CTIF: variants seen among roughly 807,000 people sequenced by gnomAD.
CTIF encodes the protein cap binding complex dependent translation initiation factor.
In CTIF, 21 loss-of-function variants were observed where a neutral mutation model predicts 66.0. The observed-to-expected ratio is 0.32, with a 90% CI of 0.23 to 0.46. The LOEUF is 0.46. Ranked by LOEUF, CTIF falls within the 20% of genes least tolerant of loss-of-function variation. The pLI, the probability that CTIF is intolerant of heterozygous loss-of-function variation, is 1.00. For synonymous variants in CTIF, 345 were observed against 326.4 expected (o/e 1.06, Z -0.62); for missense variants, 739 against 812.7 (o/e 0.91, Z 1.10).
chr18:48,572,418 A>G (rs1053618442), intron 1 of CTIF, among the ~76,000 whole-genome samples: 1 of 152,162 alleles, frequency 6.6e-6, no homozygotes, highest in Non-Finnish European at 1.5e-5. Context: ...TGCAGAGGAG[A>G]GGAGCCTGGG....
chr18:48,809,774 AT>A (rs1010592859), intron 9 of CTIF, among the ~76,000 whole-genome samples: 1 of 151,838 alleles, frequency 6.6e-6, no homozygotes, highest in African/African-American at 2.4e-5. Context: ...GCAAATGTTG[AT>A]TTTTTTAATG....
chr18:48,562,364 G>A (rs181453895), intron 1 of CTIF, among the ~76,000 whole-genome samples: 3 of 152,354 alleles, frequency 2.0e-5, no homozygotes, highest in African/African-American at 7.2e-5. Context: ...GGCAAAATTT[G>A]AATTCAGGAG....
At chr18:48,846,847 A>G (rs1177678713) in intron 10 of CTIF, among the ~76,000 whole-genome samples, 2 of 151,244 alleles carry the variant, frequency 1.3e-5, no homozygotes, top group East Asian at 3.9e-4. Flanking sequence ...GAAAGAATGG[A>G]TGGGTGGATG....
chr18:48,661,268 G>A (rs1024780524), intron 3 of CTIF, among the ~76,000 whole-genome samples: 2 of 152,252 alleles, frequency 1.3e-5, no homozygotes, highest in African/African-American at 2.4e-5. Flanking sequence ...TAACAGATCA[G>A]GGATTAGGGA....
intron 7 of CTIF, among the ~76,000 whole-genome samples, chr18:48,751,036 A>G (rs972493765): frequency 1.3e-5 from 2 of 152,160 alleles, no homozygotes; most frequent in Non-Finnish European, 2.9e-5. Flanking sequence ...TGGAAAATGG[A>G]GTGAACAATA....
At chr18:48,582,638 A>G (rs1306545189) in intron 1 of CTIF, among the ~76,000 whole-genome samples, 1 of 152,052 alleles carries the variant, frequency 6.6e-6, no homozygotes, top group Non-Finnish European at 1.5e-5. Flanking sequence ...CCCTGCTAGC[A>G]TAGGTTAGTG....
chr18:48,851,088 G>C (rs1300991228), intron 10 of CTIF, among the ~76,000 whole-genome samples: 1 of 152,194 alleles, frequency 6.6e-6, no homozygotes, highest in African/African-American at 2.4e-5. Flanking sequence ...AAGGTTGGAA[G>C]GGGGGGCTCT....
intron 1 of CTIF, among the ~76,000 whole-genome samples, chr18:48,562,723 A>G (rs1193909978): frequency 6.6e-6 from 1 of 152,228 alleles, no homozygotes; most frequent in African/African-American, 2.4e-5. Context: ...CCAGACAAAT[A>G]GACTCATTTT....
At chr18:48,713,698 C>T (rs2092251753) in intron 7 of CTIF, among the ~76,000 whole-genome samples, 1 of 152,118 alleles carries the variant, frequency 6.6e-6, no homozygotes, top group Non-Finnish European at 1.5e-5. Context: ...GAAGGAACAT[C>T]GTGCCGTGAA....
intron 9 of CTIF, among the ~76,000 whole-genome samples, chr18:48,805,580 G>A (rs1203661103): frequency 2.0e-5 from 3 of 152,130 alleles, no homozygotes; most frequent in African/African-American, 7.2e-5. Context: ...CTTACTTGAA[G>A]CAACCCTGGG....
intron 1 of CTIF, among the ~76,000 whole-genome samples, chr18:48,562,954 A>T (rs1274793642): frequency 6.6e-6 from 1 of 152,208 alleles, no homozygotes; most frequent in Non-Finnish European, 1.5e-5. Context: ...CTGAAATGAC[A>T]CTTCACACTG....
intron 10 of CTIF, among the ~76,000 whole-genome samples, chr18:48,829,848 T>A (rs2068654106): frequency 6.6e-6 from 1 of 152,238 alleles, no homozygotes; most frequent in East Asian, 1.9e-4. Context: ...ATTGATGATA[T>A]CCACCTGCTG....
In CTIF at chr18:48,724,690, G is replaced by A. The variant is rs368636268; in HGVS notation, c.584+12995G>A. On this transcript the variant is annotated intron_variant, in intron 7 of 11. Transcript: ENST00000256413. ...TTTCCCTGCTGTGTGTGAGCTCCTGGGCTCACCTGAAGCAGGTGCGGCCAC... is the reference window on the plus strand; with the variant it reads ...TTTCCCTGCTGTGTGTGAGCTCCTGAGCTCACCTGAAGCAGGTGCGGCCAC... Among the ~76,000 whole-genome samples, 88 of 152,286 alleles carry A rather than the reference G, an allele frequency of 5.8e-4. 2 individuals carry two copies. In the East Asian group the frequency reaches 0.014, roughly 25 times the overall value.
chr18:48,602,452 C>T (rs1438815950), intron 1 of CTIF, among the ~76,000 whole-genome samples: 1 of 152,158 alleles, frequency 6.6e-6, no homozygotes, highest in Non-Finnish European at 1.5e-5. Context: ...ACATGTAAGA[C>T]TATCATGAAG....
chr18:48,668,638 T>C (rs1169454412), intron 5 of CTIF, among the ~76,000 whole-genome samples: 1 of 152,008 alleles, frequency 6.6e-6, no homozygotes, highest in African/African-American at 2.4e-5. Flanking sequence ...TAACATGCTC[T>C]AGCCACAGCA....
chr18:48,742,595 G>A (rs747649413), intron 7 of CTIF, among the ~76,000 whole-genome samples: 6 of 152,232 alleles, frequency 3.9e-5, no homozygotes, highest in Non-Finnish European at 4.4e-5. Flanking sequence ...CAGCAGCAGC[G>A]GGATCAACTT....
intron 9 of CTIF, among the ~76,000 whole-genome samples, chr18:48,762,720 C>T (rs1909128611): frequency 6.6e-6 from 1 of 152,218 alleles, no homozygotes; most frequent in African/African-American, 2.4e-5. Flanking sequence ...TTGTGAAAGT[C>T]AAAGGGGGTT....
chr18:48,839,937 C>T (rs1186804599), intron 10 of CTIF, among the ~76,000 whole-genome samples: 1 of 152,136 alleles, frequency 6.6e-6, no homozygotes, highest in Non-Finnish European at 1.5e-5. Context: ...TTCAGGTCTT[C>T]CGAGAGGCCC....
At chr18:48,848,225 C>T (rs1351929257) in intron 10 of CTIF, among the ~76,000 whole-genome samples, 1 of 152,198 alleles carries the variant, frequency 6.6e-6, no homozygotes, top group Non-Finnish European at 1.5e-5. Context: ...TCTCTCCTGC[C>T]CTACAATTCT....
Sources: gnomAD v4.1 joint callset for allele counts (sites outside exome capture counted in the v4.1 genomes callset) on GRCh38, gnomAD v4.1.1 for gene constraint, MANE v1.5 for transcripts, NCBI Gene and HGNC (gene_info 2026-07-23, HGNC 2026-07-21) for gene names.